DNAH1: variants seen among roughly 807,000 people sequenced by gnomAD.
DNAH1 encodes dynein axonemal heavy chain 1.
DNAH1 carries 327 observed loss-of-function variants against 484.3 expected under a neutral mutation model. That is an observed-to-expected ratio of 0.68 (90% CI 0.62 to 0.74). DNAH1 has a LOEUF of 0.74. Ranked by LOEUF, DNAH1 falls within the 30% of genes least tolerant of loss-of-function variation. DNAH1 has a pLI of 0.00. For synonymous variants in DNAH1, 2,192 were observed against 2,191.9 expected, an observed-to-expected ratio of 1.00 and a Z score of 0.00; for missense variants, 5,052 against 5,546.8, an observed-to-expected ratio of 0.91 and a Z score of 2.83.
chr3:52,360,191 A>T (rs373406207), intron 27 of DNAH1, 112 bp downstream of exon 27: 7 of 1,537,770 alleles, frequency 4.6e-6, no homozygotes, highest in East Asian at 4.5e-5. Flanking sequence ...GTTCTGGGAC[A>T]AGCTGGGTAT....
In DNAH1 at chr3:52,386,195, A is replaced by G. The variant is rs747303697; in HGVS notation, c.8661A>G (p.Ser2887=). The change falls in exon 55 of 78, where the codon TCA becomes TCG. Residue 2887 remains serine, a synonymous_variant. Coordinates refer to ENST00000420323, the MANE Select transcript of DNAH1 (RefSeq NM_015512.5). The stretch of plus-strand genomic sequence containing the variant: ...CCATCGCCGAGGAGACCCGGAATTC[A>G]GTGCAGACAGAGGAGATCAAAGCCA... ...DTAIAEETRN[S]VQTEEIKANE... 24 of 1,613,766 alleles carry G rather than the reference A, an allele frequency of 1.5e-5. 1 individual carries two copies. In the South Asian group the frequency reaches 2.6e-4, roughly 18 times the overall value.
Position 52,368,877 on chromosome 3 carries a change from A to T in DNAH1, c.5902A>T (p.Lys1968Ter). The part of the protein sequence containing the change: ...NMNTVLDDNK[K>*]LCLSSGEIIK... ...GAACACGGTGCTGGATGACAACAAG[A>T]AGCTGTGCCTCAGCTCTGGGGAGAT... Residue 1968 changes from lysine (K) to a stop codon, truncating the protein, a stop_gained, in exon 37 of 78, where the codon AAG becomes TAG. Transcript: ENST00000420323. LOFTEE classifies it high-confidence loss of function. This position sits in a 1 kb window ranked among gnomAD's most constrained non-coding sequence, Gnocchi z 4.4. The T allele has an allele frequency of 6.2e-7, 1 of 1,613,994 alleles. No homozygotes were observed. The highest frequency in any genetic ancestry group is 8.5e-7 in the Non-Finnish European group (1 of 1,179,880).
rs144750188 is a variant in DNAH1 at position 52,351,559 on chromosome 3, G to A, written c.2730-403G>A. 7.2e-3 allele frequency among the ~76,000 whole-genome samples: 1,097 copies of A among 152,372 alleles called. 5 individuals are homozygous for A. Among genetic ancestry groups the A allele is most frequent in the Middle Eastern group, 0.02 (6 of 294 alleles). ...TGGGCAAAGGGAGTTGGTCTGACCT[G>A]AAGGCAGCTGGCCTGAGGGCCCTGG... On this transcript the variant is annotated intron_variant, in intron 16 of 77. Transcript: ENST00000420323.
rs1704563557 is a variant in DNAH1, at chr3:52,395,147, T to C, written c.10968+88T>C. On this transcript the variant is annotated intron_variant, in intron 68 of 77. Transcript: ENST00000420323. The surrounding 1 kb of genome is among the most constrained non-coding windows in gnomAD (Gnocchi z 4.4). ...CCCTGGCTGCATCTGGATAGACTACTTGGCCAGGCCAGGACCCCTGCTTGC... is the reference window on the plus strand; with the variant it reads ...CCCTGGCTGCATCTGGATAGACTACCTGGCCAGGCCAGGACCCCTGCTTGC... The C allele has an allele frequency of 1.3e-6, 2 of 1,522,588 alleles. No individual in the cohort carries two copies. Among genetic ancestry groups the C allele is most frequent in the Non-Finnish European group, 1.8e-6 (2 of 1,130,550 alleles). 94.3% of individuals were successfully genotyped at this position (1,522,588 alleles called of 1,614,324 possible). A position where few individuals can be genotyped will look rare whatever the true frequency, so the allele number is the denominator to read the frequency against.
chr3:52,366,800 A>C lies in DNAH1; in HGVS notation c.5678A>C (p.Tyr1893Ser). The stretch of plus-strand genomic sequence containing the variant: ...CAGCCATCCATCAGTGGTGGCATGT[A>C]CGAGGCTGTCAACTACTACGTGCTC... ...KGQPSISGGM[Y>S]EAVNYYVLNP... Residue 1893 changes from tyrosine (Y) to serine (S), a missense_variant, in exon 36 of 78, where the codon TAC becomes TCC. Physicochemically the swap from Tyr to Ser is moderately radical, Grantham distance 144 (BLOSUM62 -2). Coordinates refer to ENST00000420323, the MANE Select transcript of DNAH1 (RefSeq NM_015512.5). The C allele has an allele frequency of 6.2e-7, 1 of 1,613,900 alleles. No individual in the cohort carries two copies. Among genetic ancestry groups the C allele is most frequent in the Non-Finnish European group, 8.5e-7 (1 of 1,179,862 alleles).
chr3:52,398,208 CTG>C, intron 75 of DNAH1, 46 bp downstream of exon 75: 1 of 1,566,602 alleles, frequency 6.4e-7, no homozygotes, highest in Non-Finnish European at 8.6e-7. Flanking sequence ...GGCCACTGGA[CTG>C]TAGAGAAATG....
Position 52,341,536 on chromosome 3 carries a change from T to C in DNAH1, c.1287-2954T>C, listed in dbSNP as rs1268068332. On this transcript the variant is annotated intron_variant, in intron 8 of 77. Coordinates refer to ENST00000420323, the MANE Select transcript of DNAH1 (RefSeq NM_015512.5). ...CAAGAGGGCTTGACTTTGACTTTTT[T>C]TTTTTTTTTTTTTTTTTTGAGACAG... is the stretch of plus-strand genomic sequence containing the variant. 2.0e-5 allele frequency among the ~76,000 whole-genome samples: 3 copies of C among 149,104 alleles called. 1 individual carries two copies. In the East Asian group the frequency reaches 5.8e-4, roughly 29 times the overall value.
In DNAH1 at chr3:52,385,324, C is replaced by G; in HGVS notation, c.8515-13C>G. 1 of 1,551,234 alleles carries G rather than the reference C, an allele frequency of 6.4e-7. No individual in the cohort carries two copies. The highest frequency in any genetic ancestry group is 1.2e-5 in the South Asian group (1 of 84,050). ...TGCCACACCTGTTTTCCTGTCTCTG[C>G]CCTGACCCCTAGCTGCTGCGCACTT... On this transcript the variant is annotated splice_polypyrimidine_tract_variant and intron_variant, in intron 53 of 77. Transcript: ENST00000420323.
intron 72 of DNAH1, 23 bp from the exon 73 acceptor site, chr3:52,396,845 G>A: frequency 6.2e-7 from 1 of 1,612,054 alleles, no homozygotes; most frequent in Non-Finnish European, 8.5e-7. Flanking sequence ...ACTTAGGGGA[G>A]CCCTCACCCA....
At chr3:52,321,316 G>C (rs189752712) in intron 1 of DNAH1, among the ~76,000 whole-genome samples, 104 of 151,754 alleles carry the variant, frequency 6.9e-4, no homozygotes, top group African/African-American at 2.4e-3. Context: ...GGGTTTCACT[G>C]TGTTGGTCAG....
rs774761432 is a variant in DNAH1, at chr3:52,392,460, G to T, written c.10053-4G>T. On this transcript the variant is annotated splice_polypyrimidine_tract_variant and splice_region_variant and intron_variant, in intron 63 of 77. Coordinates refer to ENST00000420323, the MANE Select transcript of DNAH1 (RefSeq NM_015512.5). The stretch of plus-strand genomic sequence containing the variant: ...ACAGACTTGGTGTCCCCTGCCCCCG[G>T]CAGTGGCCTAGAGGACCAGCTACTG... The T allele has an allele frequency of 2.2e-5, 36 of 1,613,004 alleles. No individual in the cohort carries two copies. The highest frequency in any genetic ancestry group is 3.1e-5 in the Non-Finnish European group (36 of 1,179,798).
intron 49 of DNAH1, 99 bp from the exon 50 acceptor site, chr3:52,382,221 C>T: frequency 3.1e-6 from 5 of 1,589,246 alleles, no homozygotes; most frequent in Non-Finnish European, 4.3e-6. Context: ...AGGATGGGAG[C>T]AGAATTCCAG....
Position 52,358,066 on chromosome 3 carries a change from C to T in DNAH1, c.4086+63C>T, listed in dbSNP as rs1702694048. 7.6e-7 allele frequency: 1 copy of T among 1,307,928 alleles called. No homozygotes were observed. Among genetic ancestry groups the T allele is most frequent in the Non-Finnish European group, 1.1e-6 (1 of 950,930 alleles). The allele number at this position is 1,307,928 out of a possible 1,614,324, so 81.0% of individuals were successfully genotyped here. On this transcript the variant is annotated intron_variant, in intron 24 of 77. Transcript: ENST00000420323. The surrounding 1 kb of genome is among the most constrained non-coding windows in gnomAD (Gnocchi z 4.2). Reference sequence around the variant, plus strand: ...GGGGCATCTTCCCAGGGAGAACGTCCCTCCCTTTGTGATGAGCCCTTTTAG... The same window carrying T: ...GGGGCATCTTCCCAGGGAGAACGTCTCTCCCTTTGTGATGAGCCCTTTTAG...
In DNAH1 at chr3:52,364,993, G is replaced by A. The variant is rs1217730317; in HGVS notation, c.5492G>A (p.Arg1831Lys). 6.2e-7 allele frequency: 1 copy of A among 1,612,864 alleles called. No homozygotes were observed. Among genetic ancestry groups the A allele is most frequent in the Admixed American group, 1.7e-5 (1 of 59,998 alleles). ...ILDEAIREAC[R>K]NSNLKDVEGF... ...GATGAGGCCATCCGCGAGGCCTGCA[G>A]GAACAGCAACCTCAAGGATGTGGAG... Residue 1831 changes from arginine to lysine, a missense_variant, in exon 34 of 78, where the codon AGG becomes AAG. This residue lies in a region of DNAH1 where 2,929 missense variants were observed against 3,409.4 expected (regional missense o/e 0.86). Transcript: ENST00000420323. This position sits in a 1 kb window ranked among gnomAD's most constrained non-coding sequence, Gnocchi z 4.2.
At chr3:52,363,780 C>T (rs1464821989) in intron 32 of DNAH1, among the ~76,000 whole-genome samples, 1 of 152,192 alleles carries the variant, frequency 6.6e-6, no homozygotes, top group African/African-American at 2.4e-5. Flanking sequence ...GTCACCTGCT[C>T]ATCCATGAAC....
chr3:52,375,461 A>G (rs767130610), intron 45 of DNAH1, 48 bp downstream of exon 45: 2 of 1,582,726 alleles, frequency 1.3e-6, no homozygotes, highest in South Asian at 1.1e-5. Context: ...AGCCCAGGCC[A>G]GGGAGGCCAC....
At chr3:52,387,264 T>C (rs1294682849) in intron 56 of DNAH1, among the ~76,000 whole-genome samples, 1 of 151,998 alleles carries the variant, frequency 6.6e-6, no homozygotes, top group African/African-American at 2.4e-5. Flanking sequence ...AGTCATCCCC[T>C]CTCTCCCTCA....
rs1235470825 is a variant in DNAH1, at chr3:52,360,056, C to T, written c.4548C>T (p.Asp1516=). 6.2e-7 allele frequency: 1 copy of T among 1,613,904 alleles called. No homozygotes were observed. The highest frequency in any genetic ancestry group is 8.5e-7 in the Non-Finnish European group (1 of 1,179,894). ...LIQENVVSVN[D]FQWISQLRYY... ...AGGAGAACGTGGTCAGCGTGAATGA[C>T]TTCCAGTGGATCTCACAGCTGAGGT... Residue 1516 remains aspartate (D), a synonymous_variant, in exon 27 of 78, where the codon GAC becomes GAT. Transcript: ENST00000420323.
intron 8 of DNAH1, among the ~76,000 whole-genome samples, chr3:52,340,100 T>A (rs1440373046): frequency 6.6e-6 from 1 of 152,202 alleles, no homozygotes; most frequent in Non-Finnish European, 1.5e-5. Context: ...TTTCTCTTTT[T>A]TTGAGATACG....
Sources: allele counts gnomAD v4.1 joint callset (sites outside exome capture counted in the v4.1 genomes callset), GRCh38; gene constraint gnomAD v4.1.1; regional missense constraint gnomAD v4.1.1; non-coding constraint Gnocchi (gnomAD v3.1); transcripts MANE v1.5; gene names NCBI Gene and HGNC (gene_info 2026-07-23, HGNC 2026-07-21).